SINHCAF: variants seen among roughly 807,000 people sequenced by gnomAD.
SINHCAF encodes SIN3-HDAC complex associated factor.
A neutral mutation model predicts 25.8 loss-of-function variants in SINHCAF; 3 were observed. The ratio of observed to expected loss-of-function variants is 0.12; its 90% CI spans 0.05 to 0.30. The LOEUF (loss-of-function observed/expected upper bound fraction) is 0.30, where lower values mean the gene tolerates loss of function less well. Ranked by LOEUF, SINHCAF falls within the 10% of genes least tolerant of loss-of-function variation. SINHCAF has a pLI of 1.00. For missense variants in SINHCAF, 121 were observed against 262.3 expected (o/e 0.46, Z 3.72); for synonymous variants, 70 against 85.5 (o/e 0.82, Z 1.00).
Position 31,325,184 on chromosome 12 carries a change from C to G in SINHCAF, c.-21+840G>C. The stretch of plus-strand genomic sequence containing the variant: ...CGGACGGCCGCCCATAAACGGGAAG[C>G]CCTCGCGGTGTCGCCCACACCTACG... On this transcript the variant is annotated intron_variant, in intron 1 of 5. Coordinates refer to ENST00000337682, the MANE Select transcript of SINHCAF (RefSeq NM_001135812.2). This position sits in a 1 kb window ranked among gnomAD's most constrained non-coding sequence, Gnocchi z 5.9. 1 of 456,804 alleles carries G rather than the reference C, an allele frequency of 2.2e-6. No individual in the cohort carries two copies. Among genetic ancestry groups the G allele is most frequent in the Non-Finnish European group, 4.4e-6 (1 of 226,990 alleles). 28.3% of individuals were successfully genotyped at this position (456,804 alleles called of 1,614,324 possible).
Position 31,307,416 on chromosome 12 carries a change from G to A in SINHCAF, c.-20-9192C>T, listed in dbSNP as rs114619426. On this transcript the variant is annotated intron_variant, in intron 1 of 5. Coordinates refer to ENST00000337682, the MANE Select transcript of SINHCAF (RefSeq NM_001135812.2). ...CAAAAAATATAAAAATTAGCCAGGTGCAGTGGTGCAAGCCTGTAGTCCCAG... is the reference window on the plus strand; with the variant it reads ...CAAAAAATATAAAAATTAGCCAGGTACAGTGGTGCAAGCCTGTAGTCCCAG... Among the ~76,000 whole-genome samples, 669 of 152,206 alleles carry A rather than the reference G, an allele frequency of 4.4e-3. 6 individuals are homozygous for A. Among genetic ancestry groups the A allele is most frequent in the African/African-American group, 0.015 (641 of 41,522 alleles).
chr12:31,310,128 G>A (rs1193255656), intron 1 of SINHCAF, among the ~76,000 whole-genome samples: 1 of 152,154 alleles, frequency 6.6e-6, no homozygotes. Flanking sequence ...GGCATATCAG[G>A]AAAACATGGG....
chr12:31,299,152 C>T (rs1938673115), intron 1 of SINHCAF, among the ~76,000 whole-genome samples: 1 of 151,838 alleles, frequency 6.6e-6, no homozygotes, highest in Non-Finnish European at 1.5e-5. Context: ...TTGGAATATC[C>T]AAATCAAGGG....
chr12:31,321,734 T>G (rs1290621671), intron 1 of SINHCAF, among the ~76,000 whole-genome samples: 3 of 152,162 alleles, frequency 2.0e-5, no homozygotes, highest in Non-Finnish European at 4.4e-5. Context: ...ACCAATTATA[T>G]TCCTACCATC....
At chr12:31,296,024 A>AT (rs200012658) in intron 2 of SINHCAF, among the ~76,000 whole-genome samples, 22 of 150,060 alleles carry the variant, frequency 1.5e-4, no homozygotes, top group East Asian at 9.7e-4. Context: ...CTACTTTAAA[A>AT]TTTTTTTTTT....
At chr12:31,299,466 G>A (rs1289373504) in intron 1 of SINHCAF, among the ~76,000 whole-genome samples, 6 of 151,872 alleles carry the variant, frequency 4.0e-5, no homozygotes, top group Non-Finnish European at 7.4e-5. Flanking sequence ...ACAGGTGCCC[G>A]CCACCACACC....
chr12:31,296,879 C>T (rs544302958), intron 2 of SINHCAF: 2 of 307,936 alleles, frequency 6.5e-6, no homozygotes, highest in Non-Finnish European at 1.3e-5. Context: ...AACAAACAAA[C>T]GATTATATTG....
chr12:31,287,283 A>G (rs1466390119), intron 5 of SINHCAF, among the ~76,000 whole-genome samples: 1 of 152,038 alleles, frequency 6.6e-6, no homozygotes, highest in Non-Finnish European at 1.5e-5. Context: ...AAAATTGCTT[A>G]TGTGTATTAT....
rs1341280643 is a variant in SINHCAF at position 31,324,033 on chromosome 12, TGTTG to T, written c.-21+1987_-21+1990del. 6.6e-6 allele frequency: 3 copies of T among 455,238 alleles called. No individual in the cohort carries two copies. The East Asian group carries it at 2.1e-4, about 32-fold the overall frequency. 28.2% of individuals were successfully genotyped at this position (455,238 alleles called of 1,614,324 possible). A position where few individuals can be genotyped will look rare whatever the true frequency, so the allele number is the denominator to read the frequency against. On this transcript the variant is annotated intron_variant, in intron 1 of 5. Transcript: ENST00000337682. This position sits in a 1 kb window ranked among gnomAD's most constrained non-coding sequence, Gnocchi z 5.5. ...AAGTAAGAATGCTCCCTGGTGGATT[TGTTG>T]GTAAATAAGACATCTCGCGTCGGGA...
intron 1 of SINHCAF, among the ~76,000 whole-genome samples, chr12:31,323,162 C>T (rs1427242400): frequency 6.6e-6 from 1 of 152,174 alleles, no homozygotes; most frequent in Non-Finnish European, 1.5e-5. Flanking sequence ...AACCACCAAA[C>T]ACTGAGTCAC....
intron 1 of SINHCAF, 111 bp from the exon 2 acceptor site, chr12:31,298,335 A>AGTT: frequency 7.8e-7 from 1 of 1,274,858 alleles, no homozygotes; most frequent in Non-Finnish European, 1.1e-6. Context: ...TATATGACCA[A>AGTT]GACAGGCAGG....
intron 1 of SINHCAF, chr12:31,302,958 A>C (rs1938868616): frequency 2.0e-6 from 2 of 985,424 alleles, no homozygotes; most frequent in South Asian, 4.7e-5. Flanking sequence ...TCCAAACTGC[A>C]GCCATCTTGG....
chr12:31,299,421 A>T (rs1178567689), intron 1 of SINHCAF, among the ~76,000 whole-genome samples: 4 of 151,756 alleles, frequency 2.6e-5, no homozygotes, highest in African/African-American at 7.3e-5. Flanking sequence ...GGTTCAAGTG[A>T]TTCTCCTGCC....
chr12:31,282,899 C>T (rs1275460140), intron 5 of SINHCAF, 28 bp from the exon 6 acceptor site: 2 of 1,527,056 alleles, frequency 1.3e-6, no homozygotes, highest in African/African-American at 1.4e-5. Flanking sequence ...GAACAAGATA[C>T]ATTAATAAGG....
chr12:31,288,709 T>C (rs1565489794), intron 4 of SINHCAF, among the ~76,000 whole-genome samples: 1 of 152,044 alleles, frequency 6.6e-6, no homozygotes, highest in Non-Finnish European at 1.5e-5. Context: ...AATAGAAGGG[T>C]TAAATAAGAC....
rs145999749 is a variant in SINHCAF at position 31,323,159 on chromosome 12, A to C, written c.-21+2865T>G. 2.2e-3 allele frequency among the ~76,000 whole-genome samples: 342 copies of C among 152,276 alleles called. 1 individual carries two copies. The highest frequency in any genetic ancestry group is 7.8e-3 in the African/African-American group (322 of 41,544). On this transcript the variant is annotated intron_variant, in intron 1 of 5. Coordinates refer to ENST00000337682, the MANE Select transcript of SINHCAF (RefSeq NM_001135812.2). ...CATCCTAAGGCACTGAATAACCACC[A>C]AACACTGAGTCACGCATACCTTTCG...
At chr12:31,291,023 C>G (rs1238543552) in intron 4 of SINHCAF, among the ~76,000 whole-genome samples, 1 of 152,018 alleles carries the variant, frequency 6.6e-6, no homozygotes, top group East Asian at 1.9e-4. Flanking sequence ...CCAGCCCAAA[C>G]TGCAATTTTA....
At position 31,297,053 on chromosome 12, in the gene SINHCAF, A is replaced by C. The variant is rs766082333; in HGVS notation, c.128+1024T>G. ...ATAGGAAGACATTGTCTCTTTAAAA[A>C]AGAAAAGAAAAAAAGAATGATTTCC... On this transcript the variant is annotated intron_variant, in intron 2 of 5. Coordinates refer to ENST00000337682, the MANE Select transcript of SINHCAF (RefSeq NM_001135812.2). 8.1e-5 allele frequency: 34 copies of C among 420,358 alleles called. No individual in the cohort carries two copies. In the East Asian group the frequency reaches 8.8e-4, roughly 11 times the overall value. 26.0% of individuals were successfully genotyped at this position (420,358 alleles called of 1,614,324 possible).
intron 4 of SINHCAF, 34 bp downstream of exon 4, chr12:31,293,771 T>C: frequency 6.4e-7 from 1 of 1,552,286 alleles, no homozygotes; most frequent in Non-Finnish European, 8.7e-7. Flanking sequence ...AACAAAACAA[T>C]TATTAAGTAC....
Sources: allele counts gnomAD v4.1 joint callset (sites outside exome capture counted in the v4.1 genomes callset), GRCh38; gene constraint gnomAD v4.1.1; non-coding constraint Gnocchi (gnomAD v3.1); transcripts MANE v1.5; gene names NCBI Gene and HGNC (gene_info 2026-07-23, HGNC 2026-07-21).